Variants in CACNA2D3 observed in about 807,000 individuals in gnomAD.
CACNA2D3 encodes the protein calcium voltage-gated channel auxiliary subunit alpha2delta 3.
A neutral mutation model predicts 160.6 loss-of-function variants in CACNA2D3; 60 were observed. The observed-to-expected ratio is 0.37, with a 90% CI of 0.30 to 0.46. The LOEUF is 0.46. Ranked by LOEUF, CACNA2D3 falls within the 20% of genes least tolerant of loss-of-function variation. CACNA2D3 has a pLI of 1.00. For missense variants in CACNA2D3, 1,205 were observed against 1,365.0 expected (o/e 0.88, Z 1.85); for synonymous variants, 558 against 492.9 (o/e 1.13, Z -1.75).
At chr3:54,124,809 T>G (rs1014471307) in intron 2 of CACNA2D3, among the ~76,000 whole-genome samples, 2 of 152,222 alleles carry the variant, frequency 1.3e-5, no homozygotes, top group African/African-American at 4.8e-5. Context: ...CTCTGTTGTT[T>G]GGGAAGGTGT....
intron 2 of CACNA2D3, among the ~76,000 whole-genome samples, chr3:54,304,601 C>G (rs1490526494): frequency 1.3e-5 from 2 of 152,132 alleles, no homozygotes; most frequent in Admixed American, 1.3e-4. Flanking sequence ...TATTTGATTA[C>G]ATCTACCATC....
chr3:54,660,411 C>T (rs1025205848), intron 11 of CACNA2D3, among the ~76,000 whole-genome samples: 27 of 152,160 alleles, frequency 1.8e-4, no homozygotes, highest in Admixed American at 3.3e-4. Context: ...CCACCCGCCT[C>T]GGCCTCCCAA....
chr3:54,867,671 T>C (rs922322953), intron 17 of CACNA2D3, among the ~76,000 whole-genome samples: 1 of 152,206 alleles, frequency 6.6e-6, no homozygotes, highest in Non-Finnish European at 1.5e-5. Context: ...ATCTTTTCTC[T>C]GCTTTCCCTG....
intron 11 of CACNA2D3, among the ~76,000 whole-genome samples, chr3:54,700,194 T>G (rs973554416): frequency 6.6e-6 from 1 of 152,230 alleles, no homozygotes; most frequent in African/African-American, 2.4e-5. Flanking sequence ...CCAGCTCACT[T>G]TCACCTTCAC....
At chr3:54,975,438 G>A (rs776743105) in intron 29 of CACNA2D3, among the ~76,000 whole-genome samples, 1 of 147,290 alleles carries the variant, frequency 6.8e-6, no homozygotes, top group African/African-American at 2.5e-5. Context: ...AGAATCACCT[G>A]AACCTGGGAG....
At chr3:54,972,947 T>C (rs1244764501) in intron 29 of CACNA2D3, among the ~76,000 whole-genome samples, 2 of 152,076 alleles carry the variant, frequency 1.3e-5, no homozygotes, top group African/African-American at 2.4e-5. Context: ...GGGCAGTCAA[T>C]GGGAAGCAGT....
At chr3:54,495,354 T>C (rs1048808881) in intron 4 of CACNA2D3, among the ~76,000 whole-genome samples, 3 of 152,194 alleles carry the variant, frequency 2.0e-5, no homozygotes, top group African/African-American at 7.2e-5. Context: ...TTTTTTTTAT[T>C]GAGGCATGAA....
chr3:54,221,178 T>C (rs1200599550), intron 2 of CACNA2D3, among the ~76,000 whole-genome samples: 2 of 152,198 alleles, frequency 1.3e-5, no homozygotes, highest in African/African-American at 2.4e-5. Flanking sequence ...GTGGCAGGCA[T>C]TTTGTTGAGT....
At chr3:54,584,849 A>G (rs1181661536) in intron 9 of CACNA2D3, among the ~76,000 whole-genome samples, 1 of 152,240 alleles carries the variant, frequency 6.6e-6, no homozygotes, top group African/African-American at 2.4e-5. Context: ...CATGAAGACC[A>G]GAAGTAAGTA....
rs187317687 is a variant in CACNA2D3 at position 54,675,504 on chromosome 3, G to A, written c.1167+33263G>A. ...AAGCCTCTCCTGGCCCCTGGGGAAA[G>A]GTGGTCAGTCAGTCCTCTTCATCTT... On this transcript the variant is annotated intron_variant, in intron 11 of 37. Transcript: ENST00000474759. 1.2e-4 allele frequency among the ~76,000 whole-genome samples: 18 copies of A among 152,262 alleles called. No homozygotes were observed. In the East Asian group the frequency reaches 3.5e-3, roughly 29 times the overall value.
chr3:54,756,094 A>T (rs1428526548), intron 12 of CACNA2D3, among the ~76,000 whole-genome samples: 1 of 152,226 alleles, frequency 6.6e-6, no homozygotes, highest in African/African-American at 2.4e-5. Flanking sequence ...TTTAGGATTT[A>T]TAAGTTCTGA....
intron 12 of CACNA2D3, among the ~76,000 whole-genome samples, chr3:54,764,006 G>C (rs1235756802): frequency 7.3e-5 from 11 of 150,620 alleles, no homozygotes; most frequent in Admixed American, 7.3e-4. Flanking sequence ...ACATTTGCTT[G>C]ACTGTATTTT....
chr3:54,402,357 A>G (rs917535269), intron 4 of CACNA2D3, among the ~76,000 whole-genome samples: 1 of 152,212 alleles, frequency 6.6e-6, no homozygotes, highest in Non-Finnish European at 1.5e-5. Flanking sequence ...GATTAAAAAA[A>G]CAAGGTCCAA....
intron 6 of CACNA2D3, among the ~76,000 whole-genome samples, chr3:54,564,718 A>T (rs1367547195): frequency 6.6e-6 from 1 of 152,208 alleles, no homozygotes; most frequent in African/African-American, 2.4e-5. Context: ...TGAGGCCCTG[A>T]GGATAAAATC....
chr3:54,403,684 C>G (rs539275841), intron 4 of CACNA2D3, among the ~76,000 whole-genome samples: 20 of 151,798 alleles, frequency 1.3e-4, no homozygotes, highest in African/African-American at 4.3e-4. Flanking sequence ...GATAGAAAAA[C>G]CATAGAAAAA....
chr3:54,799,154 GT>G (rs1702930900), intron 13 of CACNA2D3, among the ~76,000 whole-genome samples: 1 of 152,122 alleles, frequency 6.6e-6, no homozygotes, highest in African/African-American at 2.4e-5. Flanking sequence ...TTTACAGAAG[GT>G]GAGGTTTCTC....
Position 54,261,460 on chromosome 3 carries a change from C to A in CACNA2D3, c.205-58982C>A, listed in dbSNP as rs1025922766. The stretch of plus-strand genomic sequence containing the variant: ...GACTGCTTTTATTAATTGCTGAATG[C>A]TCCCAGCCTGGCAGAGTGCTTGGCA... On this transcript the variant is annotated intron_variant, in intron 2 of 37. Coordinates refer to ENST00000474759, the MANE Select transcript of CACNA2D3 (RefSeq NM_018398.3). Among the ~76,000 whole-genome samples, 7 of 152,188 alleles carry A rather than the reference C, an allele frequency of 4.6e-5. No individual in the cohort carries two copies. The South Asian group carries it at 1.0e-3, about 23-fold the overall frequency.
At chr3:54,355,338 C>T (rs1201645142) in intron 3 of CACNA2D3, among the ~76,000 whole-genome samples, 2 of 152,128 alleles carry the variant, frequency 1.3e-5, no homozygotes, top group Non-Finnish European at 2.9e-5. Context: ...ATTTCCAATC[C>T]GGGCACTCCG....
Position 54,141,098 on chromosome 3 carries a change from C to CGCGCGCACGTGCGT in CACNA2D3, c.204+17505_204+17506insCGCGCACGTGCGTG, listed in dbSNP as rs59730153. On this transcript the variant is annotated intron_variant, in intron 2 of 37. Coordinates refer to ENST00000474759, the MANE Select transcript of CACNA2D3 (RefSeq NM_018398.3). ...GTGTGTGTGTGTGTGCGCGCGCGCG[C>CGCGCGCACGTGCGT]GTGTGTGCATGCATGCCTGAGATGT... Among the ~76,000 whole-genome samples the CGCGCGCACGTGCGT allele has an allele frequency of 5.5e-3, 358 of 64,784 alleles. 2 individuals carry two copies. Among genetic ancestry groups the CGCGCGCACGTGCGT allele is most frequent in the African/African-American group, 0.015 (324 of 21,638 alleles). 42.5% of individuals were successfully genotyped at this position (64,784 alleles called of 152,430 possible).
Sources: gnomAD v4.1 joint callset for allele counts (sites outside exome capture counted in the v4.1 genomes callset) on GRCh38, gnomAD v4.1.1 for gene constraint, MANE v1.5 for transcripts, NCBI Gene and HGNC (gene_info 2026-07-23, HGNC 2026-07-21) for gene names.